The following PTPN5 variants were observed in gnomAD, a reference collection of about 807,000 sequenced individuals.
PTPN5 encodes protein tyrosine phosphatase non-receptor type 5.
Under a neutral mutation model 73.9 loss-of-function variants are expected in PTPN5, and 29 were observed. That is an observed-to-expected ratio of 0.39 (90% CI 0.29 to 0.54). PTPN5 has a LOEUF of 0.54. Among genes scored for constraint, PTPN5 ranks in the 20% least tolerant of loss-of-function variants. PTPN5 has a pLI of 0.65. For missense variants in PTPN5, 652 were observed against 751.4 expected (o/e 0.87, Z 1.55); for synonymous variants, 267 against 304.7 (o/e 0.88, Z 1.29).
Position 18,742,350 on chromosome 11 carries a change from C to T in PTPN5, c.637G>A (p.Glu213Lys), listed in dbSNP as rs756681703. The T allele has an allele frequency of 1.2e-4, 191 of 1,614,028 alleles. 2 individuals are homozygous for T. The highest frequency in any genetic ancestry group is 1.2e-3 in the South Asian group (107 of 91,082). Residue 213 changes from glutamate to lysine, a missense_variant, in exon 7 of 15, where the codon GAG becomes AAG. Physicochemically the swap from Glu to Lys is moderately conservative, Grantham distance 56. Transcript: ENST00000358540. The surrounding 1 kb of genome is among the most constrained non-coding windows in gnomAD (Gnocchi z 4.1). ...ATCACACAATCAAACACAGGAGTCT[C>T]GGGCACCGGGTCGAGGTCCAGGAAG... ...DDFLDLDPVP[E>K]TPVFDCVMDI... is the part of the protein sequence containing the mutation.
rs200575973 is a variant in PTPN5 at position 18,733,320 on chromosome 11, C to G, written c.1133G>C (p.Ser378Thr). The change falls in exon 11 of 15, where the codon AGC (serine) becomes ACC (threonine). Residue 378 changes from serine to threonine, a missense_variant. Ser to Thr is a moderately conservative substitution (Grantham distance 58). Transcript: ENST00000358540. This position sits in a 1 kb window ranked among gnomAD's most constrained non-coding sequence, Gnocchi z 4.3. ...CATGCGCCAGAAGTCGGCGACCGTG[C>G]TGACGATGGGTCCCTGAGTGGCGAT... ...VYIATQGPIV[S>T]TVADFWRMVW... The G allele has an allele frequency of 1.3e-4, 212 of 1,614,060 alleles. No individual in the cohort carries two copies. Among genetic ancestry groups the G allele is most frequent in the Non-Finnish European group, 1.4e-4 (162 of 1,180,028 alleles).
chr11:18,743,769 CCT>C lies in PTPN5; in HGVS notation c.291+235_291+236del. 6.9e-6 allele frequency: 4 copies of C among 580,292 alleles called. No individual in the cohort carries two copies. The South Asian group carries it at 1.0e-4, about 15-fold the overall frequency. The allele number at this position is 580,292 out of a possible 1,614,324, so 35.9% of individuals were successfully genotyped here. A position where few individuals can be genotyped will look rare whatever the true frequency, so the allele number is the denominator to read the frequency against. On this transcript the variant is annotated intron_variant, in intron 4 of 14. Transcript: ENST00000358540. Reference sequence around the variant, plus strand: ...CTGGGAGCTCAGGGGTCGGGGAGGCCCTGTGTTCTGGATTCTTAGGTTAGGGA... The same window carrying C: ...CTGGGAGCTCAGGGGTCGGGGAGGCCGTGTTCTGGATTCTTAGGTTAGGGA...
At chr11:18,786,271 C>T (rs888475938) in intron 1 of PTPN5, among the ~76,000 whole-genome samples, 3 of 151,874 alleles carry the variant, frequency 2.0e-5, no homozygotes, top group Non-Finnish European at 4.4e-5. Context: ...GGCTCTATCT[C>T]GGCTCACTGC....
chr11:18,743,206 A>G, intron 5 of PTPN5, 116 bp downstream of exon 5: 1 of 1,240,576 alleles, frequency 8.1e-7, no homozygotes, highest in Non-Finnish European at 1.2e-6. Context: ...GAAGAACTTC[A>G]GGGGCTTGGA....
At chr11:18,757,966 A>G (rs1027336030) in intron 3 of PTPN5, among the ~76,000 whole-genome samples, 8 of 152,232 alleles carry the variant, frequency 5.3e-5, no homozygotes, top group African/African-American at 1.9e-4. Flanking sequence ...GAGGAGAGCC[A>G]AAGAAAAGAG....
intron 1 of PTPN5, among the ~76,000 whole-genome samples, chr11:18,778,744 T>C (rs1851284992): frequency 6.6e-6 from 1 of 152,188 alleles, no homozygotes; most frequent in Non-Finnish European, 1.5e-5. Context: ...CATGTGCCAA[T>C]TAAACCTCTT....
At chr11:18,753,040 A>G (rs894176496) in intron 3 of PTPN5, among the ~76,000 whole-genome samples, 3 of 152,262 alleles carry the variant, frequency 2.0e-5, no homozygotes, top group African/African-American at 7.2e-5. Context: ...GCCTGTGGAT[A>G]TCTGGAAAGT....
At chr11:18,746,192 TACA>T (rs1315106841) in intron 3 of PTPN5, among the ~76,000 whole-genome samples, 53 of 102,802 alleles carry the variant, frequency 5.2e-4, no homozygotes, top group African/African-American at 1.0e-3. Context: ...TATATATATA[TACA>T]TTTTTTTTTT....
intron 1 of PTPN5, among the ~76,000 whole-genome samples, chr11:18,784,142 A>G (rs987549969): frequency 5.9e-5 from 9 of 152,220 alleles, no homozygotes; most frequent in Non-Finnish European, 7.3e-5. Flanking sequence ...CAGAATGATC[A>G]TACGATCCAG....
chr11:18,743,218 G>T, intron 5 of PTPN5, 104 bp downstream of exon 5: 1 of 1,271,634 alleles, frequency 7.9e-7, no homozygotes, highest in Non-Finnish European at 1.1e-6. Context: ...GGGCTTGGAA[G>T]TATCTTCTGA....
intron 1 of PTPN5, among the ~76,000 whole-genome samples, chr11:18,788,406 C>T (rs765415048): frequency 3.3e-5 from 5 of 152,172 alleles, no homozygotes; most frequent in Non-Finnish European, 7.3e-5. Context: ...TAACCTCCAT[C>T]CCCTTACCCA....
chr11:18,785,721 T>C (rs953186382), intron 1 of PTPN5, among the ~76,000 whole-genome samples: 4 of 152,218 alleles, frequency 2.6e-5, no homozygotes, highest in Non-Finnish European at 4.4e-5. Context: ...GGCTGTTTCA[T>C]GTCGACTCTT....
chr11:18,781,383 G>C (rs968562255), intron 1 of PTPN5, among the ~76,000 whole-genome samples: 4 of 145,078 alleles, frequency 2.8e-5, no homozygotes, highest in Non-Finnish European at 6.0e-5. Context: ...GCAGCGGCGC[G>C]ATCTAGGCTC....
chr11:18,747,494 A>G (rs1445766147), intron 3 of PTPN5, among the ~76,000 whole-genome samples: 1 of 152,152 alleles, frequency 6.6e-6, no homozygotes, highest in African/African-American at 2.4e-5. Flanking sequence ...ACTACGATAT[A>G]TTTGTACTCG....
Position 18,729,947 on chromosome 11 carries a change from C to T in PTPN5, c.1330-129G>A, listed in dbSNP as rs1425019870. The T allele has an allele frequency of 7.9e-7, 1 of 1,261,132 alleles. No individual in the cohort carries two copies. Among genetic ancestry groups the T allele is most frequent in the Non-Finnish European group, 1.1e-6 (1 of 883,170 alleles). The allele number at this position is 1,261,132 out of a possible 1,614,324, so 78.1% of individuals were successfully genotyped here. ...AACACTGAGAGTGGGACCCCTTCAC[C>T]CTTCCATCTAGGCCACATTGCCCAG... is the stretch of plus-strand genomic sequence containing the variant. On this transcript the variant is annotated intron_variant, in intron 12 of 14. Coordinates refer to ENST00000358540, the MANE Select transcript of PTPN5 (RefSeq NM_006906.2). The surrounding 1 kb of genome is among the most constrained non-coding windows in gnomAD (Gnocchi z 5.2).
intron 2 of PTPN5, among the ~76,000 whole-genome samples, chr11:18,770,177 A>G (rs541366772): frequency 6.6e-6 from 1 of 152,348 alleles, no homozygotes; most frequent in South Asian, 2.1e-4. Context: ...TGACCATTTT[A>G]AAGGGTACAA....
chr11:18,763,329 G>T (rs143968691), intron 3 of PTPN5, among the ~76,000 whole-genome samples: 1 of 152,216 alleles, frequency 6.6e-6, no homozygotes, highest in African/African-American at 2.4e-5. Context: ...GACAACAGAG[G>T]CAGAACAAGG....
intron 3 of PTPN5, among the ~76,000 whole-genome samples, chr11:18,750,945 G>T (rs1196505720): frequency 6.6e-6 from 1 of 152,214 alleles, no homozygotes; most frequent in Non-Finnish European, 1.5e-5. Flanking sequence ...AGGGGGATTG[G>T]TGGAGCAGGT....
chr11:18,767,907 T>C (rs1169053761), intron 2 of PTPN5, among the ~76,000 whole-genome samples: 1 of 152,210 alleles, frequency 6.6e-6, no homozygotes, highest in Non-Finnish European at 1.5e-5. Flanking sequence ...GGAAGGCTCT[T>C]TCCTCACAGC....
Sources: gnomAD v4.1 joint callset for allele counts (sites outside exome capture counted in the v4.1 genomes callset) on GRCh38, gnomAD v4.1.1 for gene constraint, Gnocchi (gnomAD v3.1) non-coding constraint, MANE v1.5 for transcripts, NCBI Gene and HGNC (gene_info 2026-07-23, HGNC 2026-07-21) for gene names.